NEDD9: variants seen among roughly 807,000 people sequenced by gnomAD.
The protein encoded by NEDD9 is enhancer of filamentation 1.
A neutral mutation model predicts 76.6 loss-of-function variants in NEDD9; 26 were observed. That is an observed-to-expected ratio of 0.34 (90% CI 0.25 to 0.47). The LOEUF (loss-of-function observed/expected upper bound fraction) is 0.47. Ranked by LOEUF, NEDD9 falls within the 20% of genes least tolerant of loss-of-function variation. The pLI is 1.00. For missense variants in NEDD9, 937 were observed against 1,058.5 expected, an observed-to-expected ratio of 0.89 and a Z score of 1.59; for synonymous variants, 392 against 414.2, an observed-to-expected ratio of 0.95 and a Z score of 0.65.
chr6:11,240,255 C>G (rs147357108), intron 3 of NEDD9, among the ~76,000 whole-genome samples: 31 of 152,154 alleles, frequency 2.0e-4, no homozygotes, highest in African/African-American at 7.2e-4. Flanking sequence ...TAGGTTACAG[C>G]GACGCGGTGG....
chr6:11,343,101 C>T (rs1421781653), intron 1 of NEDD9, among the ~76,000 whole-genome samples: 3 of 151,216 alleles, frequency 2.0e-5, no homozygotes, highest in African/African-American at 7.3e-5. Flanking sequence ...ATAAATTACA[C>T]CATGGTAACA....
intron 1 of NEDD9, among the ~76,000 whole-genome samples, chr6:11,355,391 T>C (rs573676883): frequency 1.3e-5 from 2 of 152,314 alleles, no homozygotes; most frequent in South Asian, 2.1e-4. Context: ...GAATTCTTCT[T>C]GCAGTAATAT....
chr6:11,185,801 G>C (rs1757966757), intron 6 of NEDD9, 130 bp from the exon 7 acceptor site: 1 of 1,092,984 alleles, frequency 9.1e-7, no homozygotes, highest in African/African-American at 1.6e-5. Context: ...GAGCTGTAAA[G>C]CCTGGGTCAA....
intron 3 of NEDD9, among the ~76,000 whole-genome samples, chr6:11,266,944 C>T (rs768838702): frequency 6.6e-6 from 1 of 152,082 alleles, no homozygotes; most frequent in Non-Finnish European, 1.5e-5. Context: ...ACTTTAAGGA[C>T]CATTTATTGC....
chr6:11,293,376 G>C (rs1436826037), intron 3 of NEDD9, among the ~76,000 whole-genome samples: 1 of 152,098 alleles, frequency 6.6e-6, no homozygotes, highest in Non-Finnish European at 1.5e-5. Flanking sequence ...CATGTTAGCA[G>C]CCCAGGATTG....
chr6:11,252,390 G>A lies in NEDD9; in HGVS notation c.13-38663C>T, dbSNP rs139757027. 3.2e-3 allele frequency among the ~76,000 whole-genome samples: 487 copies of A among 152,286 alleles called. 1 individual carries two copies. Among genetic ancestry groups the A allele is most frequent in the African/African-American group, 0.011 (461 of 41,528 alleles). ...TTGCAATATCGGAACCAGCTCTCAC[G>A]TCCCGATTTCACAGTAACTCATGTA... On this transcript the variant is annotated intron_variant, in intron 3 of 3. Transcript: ENST00000397378. The surrounding 1 kb of genome is among the most constrained non-coding windows in gnomAD (Gnocchi z 4.3).
chr6:11,353,125 C>A (rs967438967), intron 1 of NEDD9, among the ~76,000 whole-genome samples: 2 of 152,214 alleles, frequency 1.3e-5, no homozygotes, highest in African/African-American at 4.8e-5. Context: ...CATCAGGATC[C>A]CCTTTTTGGT....
intron 2 of NEDD9, among the ~76,000 whole-genome samples, chr6:11,204,739 AAAG>A (rs1356913271): frequency 7.3e-6 from 1 of 137,368 alleles, no homozygotes; most frequent in South Asian, 2.3e-4. Flanking sequence ...AAAAAAAAAG[AAAG>A]AAAGAAAGAA....
At chr6:11,238,769 A>G (rs1028533930) in intron 3 of NEDD9, among the ~76,000 whole-genome samples, 1 of 152,040 alleles carries the variant, frequency 6.6e-6, no homozygotes, top group Non-Finnish European at 1.5e-5. Context: ...CCCAAATCCA[A>G]TTTCCCTTAA....
chr6:11,232,683 G>C, upstream of NEDD9: 1 of 1,479,914 alleles, frequency 6.8e-7, no homozygotes, highest in South Asian at 1.3e-5. Context: ...TCACTGTTGT[G>C]ACTGAGGCAG....
intron 3 of NEDD9, among the ~76,000 whole-genome samples, chr6:11,296,366 C>T (rs1221322004): frequency 1.3e-5 from 2 of 152,178 alleles, no homozygotes; most frequent in African/African-American, 2.4e-5. Context: ...AGGTTAAATT[C>T]TCTTTTAAGT....
At chr6:11,338,076 C>T (rs1762200725) in intron 1 of NEDD9, among the ~76,000 whole-genome samples, 4 of 152,106 alleles carry the variant, frequency 2.6e-5, no homozygotes, top group African/African-American at 9.7e-5. Context: ...AAGTCCTAAG[C>T]CCCAGTGCCT....
chr6:11,186,544 AG>A (rs1410707442), intron 6 of NEDD9, among the ~76,000 whole-genome samples: 1 of 152,234 alleles, frequency 6.6e-6, no homozygotes, highest in African/African-American at 2.4e-5. Context: ...ACCTGGACGT[AG>A]GGATGAGCTG....
At chr6:11,251,323 T>C (rs1204387989) in intron 3 of NEDD9, 2 of 152,192 alleles carry the variant, frequency 1.3e-5, no homozygotes, top group African/African-American at 4.8e-5. Context: ...GAGATACCTA[T>C]GGTGGAGACA....
chr6:11,318,622 C>CTG (rs1241369712), intron 2 of NEDD9, among the ~76,000 whole-genome samples: 1 of 152,144 alleles, frequency 6.6e-6, no homozygotes, highest in Non-Finnish European at 1.5e-5. Context: ...ACTTAGAAAG[C>CTG]TGAACCCTCA....
At chr6:11,293,964 G>A (rs750281673) in intron 3 of NEDD9, among the ~76,000 whole-genome samples, 2 of 151,542 alleles carry the variant, frequency 1.3e-5, no homozygotes, top group Non-Finnish European at 2.9e-5. Context: ...CAAATGACAG[G>A]ACTTCCTTCT....
chr6:11,215,145 G>A (rs543625773), intron 1 of NEDD9, among the ~76,000 whole-genome samples: 1 of 152,290 alleles, frequency 6.6e-6, no homozygotes, highest in African/African-American at 2.4e-5. Flanking sequence ...TCAGTAGTTG[G>A]GACGGGTCCA....
At chr6:11,220,533 C>G (rs1315247971) in intron 1 of NEDD9, among the ~76,000 whole-genome samples, 2 of 152,162 alleles carry the variant, frequency 1.3e-5, no homozygotes, top group Non-Finnish European at 2.9e-5. Flanking sequence ...GGGGCAGCGC[C>G]CTGTGTGTGG....
intron 3 of NEDD9, among the ~76,000 whole-genome samples, chr6:11,297,235 A>C (rs914955403): frequency 6.6e-6 from 1 of 151,958 alleles, no homozygotes; most frequent in Admixed American, 6.6e-5. Flanking sequence ...GCTCTTTGAA[A>C]ATGAAATAAA....
Sources: gnomAD v4.1 joint callset for allele counts (sites outside exome capture counted in the v4.1 genomes callset) on GRCh38, gnomAD v4.1.1 for gene constraint, Gnocchi (gnomAD v3.1) non-coding constraint, MANE v1.5 for transcripts, NCBI Gene and HGNC (gene_info 2026-07-23, HGNC 2026-07-21) for gene names.